The following GAREM1 variants were observed in gnomAD, a reference collection of about 807,000 sequenced individuals.
The protein encoded by GAREM1 is GRB2-associated and regulator of MAPK protein 1.
Under a neutral mutation model 71.3 loss-of-function variants are expected in GAREM1, and 26 were observed. The observed-to-expected ratio is 0.36, with a 90% confidence interval of 0.27 to 0.51. The LOEUF (loss-of-function observed/expected upper bound fraction) is 0.51. Among genes scored for constraint, GAREM1 ranks in the 20% least tolerant of loss-of-function variants. The pLI is 0.95. For missense variants in GAREM1, 1,026 were observed against 1,103.1 expected (o/e 0.93, Z 0.99); for synonymous variants, 440 against 433.2 (o/e 1.02, Z -0.20).
chr18:32,470,415 G>A lies in GAREM1; in HGVS notation c.14C>T (p.Pro5Leu), dbSNP rs562843933. MDPA[P>L]SLGCSLKDVK... ...ATCCTTGAGGCTGCAGCCCAGCGAG[G>A]GCGCCGGGTCCATCTTCCCCGAAGC... The change falls in exon 1 of 6, where the codon CCC becomes CTC. Residue 5 changes from proline to leucine, a missense_variant. Coordinates refer to ENST00000269209, the MANE Select transcript of GAREM1 (RefSeq NM_001242409.2). The surrounding 1 kb of genome is among the most constrained non-coding windows in gnomAD (Gnocchi z 4.4). 19 of 1,520,896 alleles carry A rather than the reference G, an allele frequency of 1.2e-5. No individual in the cohort carries two copies. In the East Asian group the frequency reaches 4.3e-4, roughly 35 times the overall value. The allele number at this position is 1,520,896 out of a possible 1,614,324, so 94.2% of individuals were successfully genotyped here.
chr18:32,338,045 T>C (rs1458688166), intron 2 of GAREM1, among the ~76,000 whole-genome samples: 2 of 152,144 alleles, frequency 1.3e-5, no homozygotes, highest in African/African-American at 4.8e-5. Flanking sequence ...GGAGGTGACC[T>C]GAGTGAGTGA....
chr18:32,356,924 C>T (rs2047812184), intron 2 of GAREM1, among the ~76,000 whole-genome samples: 1 of 152,110 alleles, frequency 6.6e-6, no homozygotes, highest in Non-Finnish European at 1.5e-5. Flanking sequence ...AATGGCTTTC[C>T]ATTGTATGTA....
chr18:32,338,331 G>C (rs2047617387), intron 2 of GAREM1, among the ~76,000 whole-genome samples: 1 of 152,074 alleles, frequency 6.6e-6, no homozygotes, highest in South Asian at 2.1e-4. Flanking sequence ...TAAGGTGTTT[G>C]GGGGCATGGC....
intron 1 of GAREM1, among the ~76,000 whole-genome samples, chr18:32,465,590 T>G (rs548780623): frequency 6.4e-4 from 97 of 152,304 alleles, no homozygotes; most frequent in African/African-American, 2.3e-3. Flanking sequence ...TCCCTCTCCC[T>G]GCCTTTCCAT....
chr18:32,318,155 C>T (rs1465081142), intron 2 of GAREM1, among the ~76,000 whole-genome samples: 1 of 152,170 alleles, frequency 6.6e-6, no homozygotes, highest in Non-Finnish European at 1.5e-5. Flanking sequence ...ACACCAATGA[C>T]ATGCTCGCTG....
intron 2 of GAREM1, among the ~76,000 whole-genome samples, chr18:32,357,581 A>C (rs972248586): frequency 6.6e-6 from 1 of 152,224 alleles, no homozygotes; most frequent in Non-Finnish European, 1.5e-5. Flanking sequence ...GGGAAGAAGG[A>C]AGGCTCTGAT....
chr18:32,316,139 G>A (rs116961683), intron 2 of GAREM1, among the ~76,000 whole-genome samples: 1 of 152,092 alleles, frequency 6.6e-6, no homozygotes, highest in Non-Finnish European at 1.5e-5. Flanking sequence ...ATATACATGG[G>A]AGCATGTATA....
intron 1 of GAREM1, among the ~76,000 whole-genome samples, chr18:32,428,452 CAGTG>C (rs1285312779): frequency 6.6e-6 from 1 of 152,114 alleles, no homozygotes; most frequent in African/African-American, 2.4e-5. Context: ...GTGGTTGGAA[CAGTG>C]AGTGAGTTCT....
At chr18:32,411,854 G>C (rs1021023017) in intron 1 of GAREM1, among the ~76,000 whole-genome samples, 1 of 150,194 alleles carries the variant, frequency 6.7e-6, no homozygotes, top group Non-Finnish European at 1.5e-5. Flanking sequence ...CTTCAGAGTA[G>C]ACTAACTTTA....
rs529807031 is a variant in GAREM1, at chr18:32,374,601, G to T, written c.262+18294C>A. Among the ~76,000 whole-genome samples, 419 of 152,286 alleles carry T rather than the reference G, an allele frequency of 2.8e-3. 2 individuals carry two copies. Among genetic ancestry groups the T allele is most frequent in the African/African-American group, 9.6e-3 (400 of 41,554 alleles). ...AAGTATGTATAACACGATAACAAAG[G>T]AAGACAGAAAAGTAGAGGATGAAAG... On this transcript the variant is annotated intron_variant, in intron 2 of 5. Coordinates refer to ENST00000269209, the MANE Select transcript of GAREM1 (RefSeq NM_001242409.2).
intron 2 of GAREM1, among the ~76,000 whole-genome samples, chr18:32,363,246 C>T (rs2047885183): frequency 6.6e-6 from 1 of 151,818 alleles, no homozygotes; most frequent in Non-Finnish European, 1.5e-5. Flanking sequence ...GAACACAGTA[C>T]ACCTTTAAAA....
At chr18:32,411,725 AGGTTTCC>A (rs1005153880) in intron 1 of GAREM1, among the ~76,000 whole-genome samples, 1 of 152,140 alleles carries the variant, frequency 6.6e-6, no homozygotes, top group Non-Finnish European at 1.5e-5. Flanking sequence ...AACTACACCA[AGGTTTCC>A]GAAGACAATG....
intron 1 of GAREM1, among the ~76,000 whole-genome samples, chr18:32,438,791 A>T (rs1234094203): frequency 1.3e-5 from 2 of 152,222 alleles, no homozygotes; most frequent in African/African-American, 4.8e-5. Context: ...ACTGCTAAGA[A>T]ACATTTAAGG....
At chr18:32,398,951 C>G (rs145526145) in intron 1 of GAREM1, among the ~76,000 whole-genome samples, 10,493 of 152,208 alleles carry the variant, frequency 0.069, 468 homozygotes, top group South Asian at 0.1. Context: ...AGCAGCACAT[C>G]AAAAAGAAGG....
chr18:32,383,164 A>C (rs775200947), intron 2 of GAREM1, among the ~76,000 whole-genome samples: 1 of 152,202 alleles, frequency 6.6e-6, no homozygotes, highest in Non-Finnish European at 1.5e-5. Context: ...CAGTTCTAAC[A>C]TGTTGGAGGC....
intron 1 of GAREM1, among the ~76,000 whole-genome samples, chr18:32,450,866 T>A (rs1251286613): frequency 6.6e-6 from 1 of 151,908 alleles, no homozygotes; most frequent in African/African-American, 2.4e-5. Flanking sequence ...TGATTTACCA[T>A]ATTCTGTCTT....
intron 1 of GAREM1, among the ~76,000 whole-genome samples, chr18:32,441,994 ATT>A (rs35560827): frequency 0.14 from 20,901 of 148,848 alleles, 1,756 homozygotes; most frequent in East Asian, 0.39. Flanking sequence ...GCAAATTGTA[ATT>A]TTTTTTTTTT....
At chr18:32,364,026 A>ATATTTTTTTTTTTTTTTTT (rs1336753011) in intron 2 of GAREM1, among the ~76,000 whole-genome samples, 4 of 46,418 alleles carry the variant, frequency 8.6e-5, no homozygotes, top group African/African-American at 4.9e-4. Context: ...ATATATATAT[A>ATATTTTTTTTTTTTTTTTT]TGTTTTTTTT....
At chr18:32,280,759 C>T (rs2046943511) in intron 4 of GAREM1, among the ~76,000 whole-genome samples, 1 of 152,140 alleles carries the variant, frequency 6.6e-6, no homozygotes, top group African/African-American at 2.4e-5. Flanking sequence ...TTTGTAATAT[C>T]TTAGAAACCC....
Sources: allele counts gnomAD v4.1 joint callset (sites outside exome capture counted in the v4.1 genomes callset), GRCh38; gene constraint gnomAD v4.1.1; non-coding constraint Gnocchi (gnomAD v3.1); transcripts MANE v1.5; gene names NCBI Gene and HGNC (gene_info 2026-07-23, HGNC 2026-07-21).